The following NUP37 variants were observed in gnomAD, a reference collection of about 807,000 sequenced individuals.
NUP37 encodes nucleoporin 37.
In NUP37, 33 loss-of-function variants were observed where a neutral mutation model predicts 45.4. That is an observed-to-expected ratio of 0.73 (90% CI 0.55 to 0.97). The LOEUF (loss-of-function observed/expected upper bound fraction) is 0.97. Ranked by LOEUF, NUP37 falls within the 50% of genes least tolerant of loss-of-function variation. NUP37 has a pLI of 0.00. For missense variants in NUP37, 365 were observed against 389.7 expected, an observed-to-expected ratio of 0.94 and a Z score of 0.53; for synonymous variants, 127 against 130.7, an observed-to-expected ratio of 0.97 and a Z score of 0.19.
chr12:102,097,043 G>A (rs1466841801), intron 5 of NUP37, among the ~76,000 whole-genome samples: 1 of 152,072 alleles, frequency 6.6e-6, no homozygotes, highest in Admixed American at 6.6e-5. Context: ...AATGCCATAT[G>A]GGTCCATATC....
intron 6 of NUP37, chr12:102,079,287 G>T (rs539051073): frequency 2.2e-6 from 1 of 454,510 alleles, no homozygotes; most frequent in South Asian, 1.6e-5. Context: ...TGTTCTTTAA[G>T]AACGTACTTT....
intron 3 of NUP37, among the ~76,000 whole-genome samples, chr12:102,111,410 G>C (rs764958782): frequency 6.6e-6 from 1 of 152,130 alleles, no homozygotes; most frequent in Non-Finnish European, 1.5e-5. Flanking sequence ...ATACCCTTAA[G>C]AGCTGAGAAT....
rs369138823 is a variant in NUP37 at position 102,099,964 on chromosome 12, T to G, written c.355-764A>C. On this transcript the variant is annotated intron_variant, in intron 4 of 9. Transcript: ENST00000552283. ...CAGTTCTATATAGTACTGCTCACTA[T>G]GTAGAAATGTAATATTAAAAAAAAA... 2.9e-4 allele frequency among the ~76,000 whole-genome samples: 44 copies of G among 152,076 alleles called. No individual in the cohort carries two copies. In the South Asian group the frequency reaches 2.9e-3, roughly 10 times the overall value.
intron 4 of NUP37, among the ~76,000 whole-genome samples, 158 bp from the exon 5 acceptor site, chr12:102,099,358 A>G (rs1294246595): frequency 6.6e-6 from 1 of 152,196 alleles, no homozygotes; most frequent in Non-Finnish European, 1.5e-5. Context: ...CACGATTTAT[A>G]CACCCACTTT....
At chr12:102,089,159 T>A (rs955525315) in intron 5 of NUP37, among the ~76,000 whole-genome samples, 29 of 151,054 alleles carry the variant, frequency 1.9e-4, no homozygotes, top group African/African-American at 6.8e-4. Flanking sequence ...TCCCCACATT[T>A]CCCCCTTTTC....
rs1333054757 is a variant in NUP37, at chr12:102,112,224, T to C, written c.165A>G (p.Glu55=). Residue 55 remains glutamate (E), a synonymous_variant, in exon 3 of 10, where the codon GAA becomes GAG. Coordinates refer to ENST00000552283, the MANE Select transcript of NUP37 (RefSeq NM_024057.4). ...TATACTGAATGCCTTCAACGTCTGC[T>C]TCTTCTTCCTAAGCATACACAGTAA... ...VIGTCTFQEE[E]ADVEGIQYKT... is the part of the protein sequence containing the mutation. 5 of 1,612,216 alleles carry C rather than the reference T, an allele frequency of 3.1e-6. No individual in the cohort carries two copies. In the South Asian group the frequency reaches 4.4e-5, roughly 14 times the overall value.
chr12:102,118,725 C>T, intron 1 of NUP37, 142 bp from the exon 2 acceptor site: 2 of 498,488 alleles, frequency 4.0e-6, no homozygotes, highest in Non-Finnish European at 7.0e-6. Context: ...ACAGAAACTG[C>T]AGGAAAAATA....
At chr12:102,111,009 C>T (rs1880299679) in intron 3 of NUP37, among the ~76,000 whole-genome samples, 1 of 152,186 alleles carries the variant, frequency 6.6e-6, no homozygotes, top group South Asian at 2.1e-4. Context: ...CATATAACCA[C>T]CCAAAGCAGT....
At chr12:102,105,454 C>T (rs550186546) in intron 3 of NUP37, among the ~76,000 whole-genome samples, 59 of 152,144 alleles carry the variant, frequency 3.9e-4, no homozygotes, top group Non-Finnish European at 6.6e-4. Context: ...CTCTTGAGCC[C>T]GGGAGGCGGA....
chr12:102,081,079 C>T (rs1004441669), intron 6 of NUP37, among the ~76,000 whole-genome samples: 1 of 152,130 alleles, frequency 6.6e-6, no homozygotes, highest in African/African-American at 2.4e-5. Context: ...AACGGCTTAC[C>T]TTTCTGTGTT....
chr12:102,074,818 C>A, intron 9 of NUP37, 183 bp downstream of exon 9: 2 of 459,288 alleles, frequency 4.4e-6, no homozygotes, highest in Admixed American at 3.9e-5. Context: ...GTAATGTAAA[C>A]ATCAAAAAAA....
intron 3 of NUP37, among the ~76,000 whole-genome samples, chr12:102,109,649 G>A (rs922675112): frequency 5.9e-5 from 9 of 152,180 alleles, no homozygotes; most frequent in Admixed American, 3.3e-4. Context: ...TTTTGAATTT[G>A]TTACTGAATT....
intron 6 of NUP37, among the ~76,000 whole-genome samples, chr12:102,081,688 T>C (rs750104195): frequency 3.9e-5 from 6 of 152,208 alleles, no homozygotes; most frequent in Non-Finnish European, 8.8e-5. Flanking sequence ...CAACAAATGT[T>C]GGCTGTTAAA....
chr12:102,077,404 C>T lies in NUP37; in HGVS notation c.640G>A (p.Ala214Thr). 1 of 1,614,120 alleles carries T rather than the reference C, an allele frequency of 6.2e-7. No individual in the cohort carries two copies. The highest frequency in any genetic ancestry group is 1.1e-5 in the South Asian group (1 of 91,072). ...LESEQVPLMS[A>T]HWCLKNTFKV... Reference sequence around the variant, plus strand: ...AAGGTGTTTTTTAAGCACCAGTGTGCTGACATTAATGGCACTTGTTCTGAT... The same window carrying T: ...AAGGTGTTTTTTAAGCACCAGTGTGTTGACATTAATGGCACTTGTTCTGAT... Residue 214 changes from alanine to threonine, a missense_variant, in exon 7 of 10, where the codon GCA becomes ACA. Ala to Thr is a moderately conservative substitution (Grantham distance 58). Coordinates refer to ENST00000552283, the MANE Select transcript of NUP37 (RefSeq NM_024057.4).
At chr12:102,100,461 G>C (rs1879939239) in intron 4 of NUP37, among the ~76,000 whole-genome samples, 1 of 152,150 alleles carries the variant, frequency 6.6e-6, no homozygotes, top group Admixed American at 6.5e-5. Flanking sequence ...ATTATTCTAA[G>C]CGTTTTATAT....
At chr12:102,097,716 T>C (rs961242036) in intron 5 of NUP37, among the ~76,000 whole-genome samples, 1 of 152,328 alleles carries the variant, frequency 6.6e-6, no homozygotes, top group African/African-American at 2.4e-5. Flanking sequence ...TAGGAAAATC[T>C]ATGTTTTAAA....
intron 2 of NUP37, chr12:102,115,901 G>C (rs1349060225): frequency 5.6e-6 from 3 of 536,884 alleles, no homozygotes; most frequent in East Asian, 2.9e-4. Context: ...ACAGTGTTTA[G>C]CTAGATAAAA....
intron 6 of NUP37, among the ~76,000 whole-genome samples, chr12:102,084,744 CTG>C (rs1879421136): frequency 1.3e-5 from 2 of 151,096 alleles, no homozygotes; most frequent in South Asian, 4.2e-4. Context: ...CATTAGAGGA[CTG>C]TGGGAGCCTA....
intron 6 of NUP37, 69 bp downstream of exon 6, chr12:102,085,697 T>A (rs1594386928): frequency 1.5e-6 from 1 of 686,978 alleles, no homozygotes; most frequent in African/African-American, 1.8e-5. Flanking sequence ...TCCTCCTCTA[T>A]GTATGTGATG....
Sources: allele counts gnomAD v4.1 joint callset (sites outside exome capture counted in the v4.1 genomes callset), GRCh38; gene constraint gnomAD v4.1.1; transcripts MANE v1.5; gene names NCBI Gene and HGNC (gene_info 2026-07-23, HGNC 2026-07-21).